Variants in PLA2G4C observed in about 807,000 individuals in gnomAD.
The protein encoded by PLA2G4C is cytosolic phospholipase A2 gamma.
Under a neutral mutation model 73.8 loss-of-function variants are expected in PLA2G4C, and 64 were observed. The observed-to-expected ratio is 0.87, with a 90% confidence interval of 0.71 to 1.07. The LOEUF is 1.07. Ranked by LOEUF, PLA2G4C falls within the 50% of genes least tolerant of loss-of-function variation. The pLI is 0.00. For missense variants in PLA2G4C, 622 were observed against 665.4 expected (o/e 0.93, Z 0.72); for synonymous variants, 254 against 252.1 (o/e 1.01, Z -0.07).
At chr19:48,081,416 G>A (rs1239694753) in intron 10 of PLA2G4C, among the ~76,000 whole-genome samples, 6 of 152,094 alleles carry the variant, frequency 3.9e-5, no homozygotes, top group African/African-American at 1.2e-4. Context: ...GTGGCATAAC[G>A]GACTTCAGAG....
chr19:48,063,535 T>G (rs1355275299), intron 13 of PLA2G4C, among the ~76,000 whole-genome samples: 1 of 150,152 alleles, frequency 6.7e-6, no homozygotes, highest in East Asian at 2.0e-4. Context: ...AAACCAAAAA[T>G]AAAATGATAA....
At chr19:48,090,547 AT>A (rs1180044196) in intron 7 of PLA2G4C, 130 bp from the exon 8 acceptor site, 1 of 716,858 alleles carries the variant, frequency 1.4e-6, no homozygotes, top group Non-Finnish European at 2.5e-6. Flanking sequence ...TCTTTCTTCC[AT>A]TCCATAAATA....
chr19:48,099,781 C>T lies in PLA2G4C; in HGVS notation c.337G>A (p.Glu113Lys), dbSNP rs1451640242. Residue 113 changes from glutamate to lysine, a missense_variant, in exon 5 of 17, where the codon GAG becomes AAG. By Grantham distance (56) the Glu-to-Lys change is moderately conservative. Transcript: ENST00000599921. ...TGTAGGCTCTTAGCCAAGTCCCACTCCTGTCGGGTAAATCGATGTTTCAGG... is the reference window on the plus strand; with the variant it reads ...TGTAGGCTCTTAGCCAAGTCCCACTTCTGTCGGGTAAATCGATGTTTCAGG... ...ADLKHRFTRQ[E>K]WDLAKSLQKT... 1.2e-6 allele frequency: 2 copies of T among 1,613,774 alleles called. No homozygotes were observed. The highest frequency in any genetic ancestry group is 1.7e-5 in the Admixed American group (1 of 59,990).
At chr19:48,099,108 AT>A (rs2031767882) in intron 5 of PLA2G4C, among the ~76,000 whole-genome samples, 1 of 145,156 alleles carries the variant, frequency 6.9e-6, no homozygotes, top group African/African-American at 2.6e-5. Flanking sequence ...AAAAAAAAAA[AT>A]AATTAAAAAT....
rs187395182 is a variant in PLA2G4C, at chr19:48,084,266, C to T, written c.844+793G>A. Among the ~76,000 whole-genome samples, 19 of 152,186 alleles carry T rather than the reference C, an allele frequency of 1.2e-4. No individual in the cohort carries two copies. The East Asian group carries it at 3.7e-3, about 29-fold the overall frequency. On this transcript the variant is annotated intron_variant, in intron 10 of 16. Transcript: ENST00000599921. ...GTAGAGACGCATTTTCACCATGTTA[C>T]CCAGCTTGCACTCGAACCCCTGACC...
chr19:48,087,609 C>A (rs532004884), intron 9 of PLA2G4C, among the ~76,000 whole-genome samples: 9 of 152,116 alleles, frequency 5.9e-5, no homozygotes, highest in Non-Finnish European at 1.0e-4. Flanking sequence ...GGCAGGGGAG[C>A]TGAGGTGGCT....
At chr19:48,069,044 CAA>C (rs11350634) in intron 12 of PLA2G4C, among the ~76,000 whole-genome samples, 4,568 of 112,992 alleles carry the variant, frequency 0.04, 246 homozygotes, top group African/African-American at 0.15. Context: ...AACCCCATCT[CAA>C]AAAAAAAAAA....
Position 48,088,621 on chromosome 19 carries a change from C to G in PLA2G4C, c.790+65G>C. The G allele has an allele frequency of 4.5e-6, 5 of 1,107,374 alleles. No homozygotes were observed. In the South Asian group the frequency reaches 6.2e-5, roughly 14 times the overall value. The allele number at this position is 1,107,374 out of a possible 1,614,324, so 68.6% of individuals were successfully genotyped here. A position where few individuals can be genotyped will look rare whatever the true frequency, so the allele number is the denominator to read the frequency against. ...ACATGTAATGTTCCTAGGACAATGG[C>G]TGGCCTCAAGCAAGTGTGCGGTCCC... is the stretch of plus-strand genomic sequence containing the variant. On this transcript the variant is annotated intron_variant, in intron 9 of 16. Coordinates refer to ENST00000599921, the MANE Select transcript of PLA2G4C (RefSeq NM_003706.3).
intron 12 of PLA2G4C, chr19:48,074,468 A>G (rs1014290077): frequency 1.3e-5 from 5 of 399,530 alleles, no homozygotes; most frequent in African/African-American, 1.0e-4. Flanking sequence ...TCTTTCTAAC[A>G]GAATGATTTA....
chr19:48,080,710 G>C (rs148351129), intron 10 of PLA2G4C, among the ~76,000 whole-genome samples: 29 of 151,910 alleles, frequency 1.9e-4, no homozygotes, highest in Non-Finnish European at 3.4e-4. Context: ...TTGGGAGGCT[G>C]AGGCAGGAGA....
chr19:48,055,410 T>TATATATATA (rs201946576), intron 14 of PLA2G4C, among the ~76,000 whole-genome samples: 26 of 148,322 alleles, frequency 1.8e-4, no homozygotes, highest in South Asian at 6.4e-4. Context: ...TATATATATA[T>TATATATATA]TTCAATTAGC....
intron 12 of PLA2G4C, among the ~76,000 whole-genome samples, chr19:48,071,230 T>C (rs1456529657): frequency 1.3e-5 from 2 of 152,220 alleles, no homozygotes; most frequent in Non-Finnish European, 2.9e-5. Context: ...CCTACATTGC[T>C]TTGATAGCCC....
chr19:48,098,402 T>C, intron 5 of PLA2G4C, 143 bp from the exon 6 acceptor site: 1 of 674,456 alleles, frequency 1.5e-6, no homozygotes, highest in Non-Finnish European at 2.3e-6. Context: ...AATGGGCCAC[T>C]ACAGCCTCAA....
intron 3 of PLA2G4C, 120 bp downstream of exon 3, chr19:48,105,213 C>A: frequency 1.5e-6 from 1 of 648,526 alleles, no homozygotes; most frequent in South Asian, 1.9e-5. Context: ...CCTTCTATTT[C>A]TATCCCATAG....
chr19:48,063,237 T>G (rs1219504586), intron 13 of PLA2G4C, among the ~76,000 whole-genome samples: 2 of 152,088 alleles, frequency 1.3e-5, no homozygotes, highest in African/African-American at 4.8e-5. Flanking sequence ...AGAGACAAGG[T>G]TTCCCCATCT....
chr19:48,091,343 G>A (rs1021148241), intron 7 of PLA2G4C, among the ~76,000 whole-genome samples: 1 of 151,914 alleles, frequency 6.6e-6, no homozygotes, highest in Non-Finnish European at 1.5e-5. Context: ...GCACCACCAC[G>A]CCCTGCTAAT....
At chr19:48,070,420 G>A (rs567705094) in intron 12 of PLA2G4C, among the ~76,000 whole-genome samples, 17 of 152,256 alleles carry the variant, frequency 1.1e-4, no homozygotes, top group African/African-American at 3.6e-4. Flanking sequence ...AGACTGGAGC[G>A]TCAAATTCTG....
At chr19:48,099,280 GAAATA>G (rs1187439610) in intron 5 of PLA2G4C, among the ~76,000 whole-genome samples, 4 of 151,754 alleles carry the variant, frequency 2.6e-5, no homozygotes, top group Non-Finnish European at 5.9e-5. Flanking sequence ...AAAATAAAAT[GAAATA>G]AAATAAAATA....
At position 48,080,781 on chromosome 19, in the gene PLA2G4C, G is replaced by A. The variant is rs141546190; in HGVS notation, c.845-2957C>T. Among the ~76,000 whole-genome samples the A allele has an allele frequency of 5.1e-3, 761 of 147,922 alleles. 5 individuals carry two copies. The highest frequency in any genetic ancestry group is 0.017 in the African/African-American group (686 of 39,666). Reference sequence around the variant, plus strand: ...ATTGCACCACTGCATTCCAGCCTGGGCAACAGAGCGAGACTCTGCCTCAAA... The same window carrying A: ...ATTGCACCACTGCATTCCAGCCTGGACAACAGAGCGAGACTCTGCCTCAAA... On this transcript the variant is annotated intron_variant, in intron 10 of 16. Transcript: ENST00000599921.
Sources: gnomAD v4.1 joint callset for allele counts (sites outside exome capture counted in the v4.1 genomes callset) on GRCh38, gnomAD v4.1.1 for gene constraint, MANE v1.5 for transcripts, NCBI Gene and HGNC (gene_info 2026-07-23, HGNC 2026-07-21) for gene names.